CTNNBL1: variants seen among roughly 807,000 people sequenced by gnomAD.
The protein encoded by CTNNBL1 is catenin beta like 1.
Under a neutral mutation model 72.7 loss-of-function variants are expected in CTNNBL1, and 31 were observed. The observed-to-expected ratio is 0.43, with a 90% confidence interval of 0.32 to 0.58. The LOEUF (loss-of-function observed/expected upper bound fraction) is 0.58. Among genes scored for constraint, CTNNBL1 ranks in the 20% least tolerant of loss-of-function variants. CTNNBL1 has a pLI of 0.08. For synonymous variants in CTNNBL1, 240 were observed against 267.3 expected (o/e 0.90, Z 1.00); for missense variants, 534 against 725.1 (o/e 0.74, Z 3.03).
chr20:37,830,927 G>C (rs1394462755), intron 11 of CTNNBL1, among the ~76,000 whole-genome samples: 1 of 152,166 alleles, frequency 6.6e-6, no homozygotes, highest in Admixed American at 6.5e-5. Flanking sequence ...AGTGCATATT[G>C]CATTTGCACC....
intron 3 of CTNNBL1, chr20:37,744,581 T>G (rs1344101402): frequency 2.6e-5 from 4 of 152,200 alleles, no homozygotes; most frequent in Non-Finnish European, 5.9e-5. Context: ...TGTGATTGAT[T>G]CATAGTCTCT....
chr20:37,754,811 CTT>C (rs80278923), intron 4 of CTNNBL1, among the ~76,000 whole-genome samples: 11 of 144,546 alleles, frequency 7.6e-5, no homozygotes, highest in African/African-American at 1.0e-4. Context: ...CTTTAGATAA[CTT>C]TTTTTTTTTT....
chr20:37,716,586 G>C (rs2072988398), intron 1 of CTNNBL1, among the ~76,000 whole-genome samples: 1 of 152,132 alleles, frequency 6.6e-6, no homozygotes, highest in Non-Finnish European at 1.5e-5. Context: ...CCTTTGAGTT[G>C]AGGAAATAAA....
chr20:37,787,899 C>A (rs779091375), intron 10 of CTNNBL1, among the ~76,000 whole-genome samples: 1 of 151,992 alleles, frequency 6.6e-6, no homozygotes, highest in Non-Finnish European at 1.5e-5. Context: ...TGTCTATGAA[C>A]GTTTGAAATT....
intron 10 of CTNNBL1, among the ~76,000 whole-genome samples, chr20:37,796,056 C>T (rs548674857): frequency 2.8e-4 from 42 of 152,216 alleles, no homozygotes; most frequent in African/African-American, 8.2e-4. Context: ...AATAATGCCT[C>T]GCTACTGAAG....
intron 15 of CTNNBL1, 76 bp from the exon 16 acceptor site, chr20:37,871,849 G>A (rs1748488912): frequency 3.6e-5 from 47 of 1,291,474 alleles, no homozygotes; most frequent in Non-Finnish European, 5.3e-5. Context: ...GGGGTTCTGG[G>A]AAAGGTATGA....
At chr20:37,707,270 G>A (rs2072893881) in intron 1 of CTNNBL1, among the ~76,000 whole-genome samples, 1 of 152,224 alleles carries the variant, frequency 6.6e-6, no homozygotes, top group Non-Finnish European at 1.5e-5. Context: ...CTCTCTAGCT[G>A]TGAAAATCCT....
At chr20:37,785,417 A>G (rs919611478) in intron 10 of CTNNBL1, among the ~76,000 whole-genome samples, 9 of 152,182 alleles carry the variant, frequency 5.9e-5, no homozygotes, top group Admixed American at 1.3e-4. Flanking sequence ...TTTTGAGGCT[A>G]TTGTCTAGAT....
intron 11 of CTNNBL1, among the ~76,000 whole-genome samples, chr20:37,816,466 T>G (rs999926831): frequency 1.3e-5 from 2 of 152,230 alleles, no homozygotes; most frequent in African/African-American, 4.8e-5. Context: ...GTTCTGTGAC[T>G]TGAGTGTCGT....
intron 1 of CTNNBL1, among the ~76,000 whole-genome samples, chr20:37,721,745 A>G (rs187030683): frequency 3.9e-4 from 60 of 152,238 alleles, no homozygotes; most frequent in African/African-American, 1.4e-3. Flanking sequence ...CTTTTTTCTT[A>G]CTGTTACTAT....
At chr20:37,838,169 G>A (rs7268511) in intron 11 of CTNNBL1, among the ~76,000 whole-genome samples, 53,427 of 152,058 alleles carry the variant, frequency 0.35, 9,842 homozygotes, top group Admixed American at 0.48. Flanking sequence ...ACAGCCTGAC[G>A]TTAGAAGCAG....
chr20:37,701,758 G>A (rs117385683), intron 1 of CTNNBL1, among the ~76,000 whole-genome samples: 3,576 of 152,122 alleles, frequency 0.024, 82 homozygotes, highest in Non-Finnish European at 0.033. Flanking sequence ...GCAGGGAGTG[G>A]TCGGAGACGA....
intron 10 of CTNNBL1, among the ~76,000 whole-genome samples, chr20:37,797,927 C>T (rs1027960597): frequency 6.6e-6 from 1 of 152,192 alleles, no homozygotes; most frequent in African/African-American, 2.4e-5. Context: ...TCCCTCTTTG[C>T]GTATCCAAGA....
At chr20:37,717,753 G>GGCCTTCC (rs2072999810) in intron 1 of CTNNBL1, among the ~76,000 whole-genome samples, 2 of 152,072 alleles carry the variant, frequency 1.3e-5, no homozygotes, top group Non-Finnish European at 2.9e-5. Context: ...AGGACCCTGC[G>GGCCTTCC]GCCTTCCGTA....
chr20:37,702,455 T>C (rs1407719596), intron 1 of CTNNBL1, among the ~76,000 whole-genome samples: 1 of 152,232 alleles, frequency 6.6e-6, no homozygotes, highest in Non-Finnish European at 1.5e-5. Flanking sequence ...TCCTTCATTC[T>C]GTGAAGGCCT....
At chr20:37,791,075 T>C (rs2073721223) in intron 10 of CTNNBL1, among the ~76,000 whole-genome samples, 2 of 152,352 alleles carry the variant, frequency 1.3e-5, no homozygotes, top group South Asian at 4.1e-4. Context: ...TTCGTCCATG[T>C]TGTGTATCAA....
At chr20:37,766,568 C>T (rs1039383820) in intron 6 of CTNNBL1, among the ~76,000 whole-genome samples, 3 of 152,196 alleles carry the variant, frequency 2.0e-5, no homozygotes, top group African/African-American at 7.2e-5. Context: ...GAGGAAGAGC[C>T]TCCAAATTGC....
At chr20:37,860,078 T>A in intron 14 of CTNNBL1, 42 bp downstream of exon 14, 1 of 1,599,494 alleles carries the variant, frequency 6.3e-7, no homozygotes, top group Non-Finnish European at 8.5e-7. Context: ...CATCCCTGCC[T>A]CCTTCCTCGC....
rs538544653 is a variant in CTNNBL1 at position 37,856,761 on chromosome 20, A to ATT, written c.1393-3132_1393-3131dup. On this transcript the variant is annotated intron_variant, in intron 13 of 15. Coordinates refer to ENST00000361383, the MANE Select transcript of CTNNBL1 (RefSeq NM_030877.5). ...CCCCAATCAGCACCTATCACTTACA[A>ATT]TTTTTTTAACATGTGGGCACACTAT... Among the ~76,000 whole-genome samples the ATT allele has an allele frequency of 2.4e-4, 36 of 152,152 alleles. No individual in the cohort carries two copies. The East Asian group carries it at 4.4e-3, about 19-fold the overall frequency.
Sources: allele counts gnomAD v4.1 joint callset (sites outside exome capture counted in the v4.1 genomes callset), GRCh38; gene constraint gnomAD v4.1.1; transcripts MANE v1.5; gene names NCBI Gene and HGNC (gene_info 2026-07-23, HGNC 2026-07-21).